The following ZNF106 variants were observed in gnomAD, a reference collection of about 807,000 sequenced individuals.
The protein encoded by ZNF106 is zinc finger protein 106.
ZNF106 carries 67 observed loss-of-function variants against 195.1 expected under a neutral mutation model. That is an observed-to-expected ratio of 0.34 (90% CI 0.28 to 0.42). The LOEUF (loss-of-function observed/expected upper bound fraction) is 0.42. ZNF106 is among the 10% of genes least tolerant of loss of function. The pLI is 1.00. For missense variants in ZNF106, 2,118 were observed against 2,304.5 expected (o/e 0.92, Z 1.66); for synonymous variants, 784 against 818.6 (o/e 0.96, Z 0.72).
At chr15:42,444,772 C>T in intron 8 of ZNF106, 55 bp downstream of exon 8, 4 of 1,598,606 alleles carry the variant, frequency 2.5e-6, no homozygotes, top group Non-Finnish European at 3.4e-6. Context: ...TTTGGCAGCA[C>T]AAAACAAGAT....
intron 10 of ZNF106, 150 bp downstream of exon 10, chr15:42,441,923 C>T (rs2141327566): frequency 2.0e-6 from 1 of 508,606 alleles, no homozygotes; most frequent in Middle Eastern, 4.8e-4. Flanking sequence ...TTAAAAGAAT[C>T]CTCCTGTATA....
At chr15:42,443,265 C>A (rs996188953) in intron 9 of ZNF106, among the ~76,000 whole-genome samples, 1 of 152,100 alleles carries the variant, frequency 6.6e-6, no homozygotes, top group African/African-American at 2.4e-5. Flanking sequence ...GATTCCTAAT[C>A]AAAACTCTTT....
intron 8 of ZNF106, 75 bp from the exon 9 acceptor site, chr15:42,444,337 T>C (rs912029909): frequency 2.5e-6 from 3 of 1,202,134 alleles, no homozygotes; most frequent in Non-Finnish European, 3.6e-6. Context: ...ATTTTTCTTC[T>C]ATGTCCTGAC....
intron 10 of ZNF106, 193 bp downstream of exon 10, chr15:42,441,880 G>T: frequency 2.3e-6 from 1 of 436,506 alleles, no homozygotes; most frequent in Non-Finnish European, 4.0e-6. Context: ...GAAAGAAAAT[G>T]ACTGATATTT....
At position 42,417,353 on chromosome 15, in the gene ZNF106, G is replaced by A; in HGVS notation, c.5672C>T (p.Ala1891Val). 4 of 1,614,024 alleles carry A rather than the reference G, an allele frequency of 2.5e-6. No homozygotes were observed. The highest frequency in any genetic ancestry group is 3.4e-6 in the Non-Finnish European group (4 of 1,179,974). The stretch of plus-strand genomic sequence containing the variant: ...TTCAGCATGTCGTTCAATATGTCCT[G>A]CAGCATCCTAGGAATGAAGGGAAAA... Reference protein sequence around the residue: ...TARKGSKQDAAGHIERHAEDD... With the variant: ...TARKGSKQDAVGHIERHAEDD... Residue 1891 changes from alanine to valine, a missense_variant, in exon 22 of 22, where the codon GCA (alanine) becomes GTA (valine). By Grantham distance (64) the Ala-to-Val change is moderately conservative. Transcript: ENST00000564754.
In ZNF106 at chr15:42,431,834, G is replaced by A. The variant is rs190452040; in HGVS notation, c.4881+3550C>T. Among the ~76,000 whole-genome samples, 1,262 of 151,742 alleles carry A rather than the reference G, an allele frequency of 8.3e-3. 17 individuals carry two copies. The highest frequency in any genetic ancestry group is 0.029 in the African/African-American group (1,209 of 41,384). ...TCGCCATGTTGGCTAGGCTGGTCTC[G>A]AACTCCTGACCTCAAGTGATCCACC... On this transcript the variant is annotated intron_variant, in intron 14 of 21. Transcript: ENST00000564754.
intron 14 of ZNF106, among the ~76,000 whole-genome samples, chr15:42,432,452 G>A (rs75946855): frequency 0.02 from 3,072 of 152,272 alleles, 109 homozygotes; most frequent in African/African-American, 0.07. Context: ...GCAGTGCCCA[G>A]TCACGTGTCT....
At chr15:42,431,582 GTTTA>G (rs1290814999) in intron 14 of ZNF106, among the ~76,000 whole-genome samples, 3 of 151,704 alleles carry the variant, frequency 2.0e-5, no homozygotes, top group Admixed American at 1.3e-4. Context: ...TTTTATTTTT[GTTTA>G]TTTATTTTTT....
chr15:42,421,857 CAAG>C lies in ZNF106; in HGVS notation c.5445+57_5445+59del. ...AAGCAGATGTCACTTTTGGAAGTGA[CAAG>C]AATTTTTTAGCAAACACATTCAAAA... On this transcript the variant is annotated intron_variant, in intron 19 of 21. Transcript: ENST00000564754. 3 of 1,421,384 alleles carry C rather than the reference CAAG, an allele frequency of 2.1e-6. No homozygotes were observed. The South Asian group carries it at 4.2e-5, about 20-fold the overall frequency. The allele number at this position is 1,421,384 out of a possible 1,614,324, so 88.0% of individuals were successfully genotyped here. A position where few individuals can be genotyped will look rare whatever the true frequency, so the allele number is the denominator to read the frequency against.
intron 17 of ZNF106, 115 bp downstream of exon 17, chr15:42,423,883 G>T: frequency 3.2e-6 from 3 of 938,308 alleles, no homozygotes; most frequent in Non-Finnish European, 4.8e-6. Context: ...GGATGATTAC[G>T]AATCCCTTCG....
At chr15:42,484,939 G>A (rs913782336) in intron 1 of ZNF106, among the ~76,000 whole-genome samples, 3 of 152,122 alleles carry the variant, frequency 2.0e-5, no homozygotes, top group South Asian at 2.1e-4. Flanking sequence ...CGGGCGGATC[G>A]GTAGAGTCCA....
In ZNF106 at chr15:42,451,673, T is replaced by C. The variant is rs764898602; in HGVS notation, c.599A>G (p.Asn200Ser). The C allele has an allele frequency of 3.1e-6, 5 of 1,614,172 alleles. No individual in the cohort carries two copies. The highest frequency in any genetic ancestry group is 3.4e-6 in the Non-Finnish European group (4 of 1,180,040). The change falls in exon 5 of 22, where the codon AAC (asparagine) becomes AGC (serine). Residue 200 changes from asparagine to serine, a missense_variant. Physicochemically the swap from Asn to Ser is conservative, Grantham distance 46 (BLOSUM62 1). Coordinates refer to ENST00000564754, the MANE Select transcript of ZNF106 (RefSeq NM_001366845.3). ...CCAACCACCTCCAGAATTACTATGG[T>C]TGTGAAACCAAGTCGAGGAGCCTCC... is the stretch of plus-strand genomic sequence containing the variant. ...VAGGSSTWFH[N>S]HSNSGGGWLS... is the part of the protein sequence containing the mutation.
At chr15:42,426,653 C>T (rs971603511) in intron 15 of ZNF106, among the ~76,000 whole-genome samples, 1 of 151,570 alleles carries the variant, frequency 6.6e-6, no homozygotes, top group African/African-American at 2.4e-5. Flanking sequence ...ATCCTCCTAC[C>T]TCAGTCTCCC....
In ZNF106 at chr15:42,459,347, G is replaced by A. The variant is rs575904965; in HGVS notation, c.117-2189C>T. Among the ~76,000 whole-genome samples, 3 of 152,052 alleles carry A rather than the reference G, an allele frequency of 2.0e-5. No individual in the cohort carries two copies. The South Asian group carries it at 6.2e-4, about 32-fold the overall frequency. The stretch of plus-strand genomic sequence containing the variant: ...AAAAATTAGACGGGCATGGTGGCGG[G>A]CACCTGTAATCCCAGCTACTCAAGA... On this transcript the variant is annotated intron_variant, in intron 3 of 21. Transcript: ENST00000564754.
chr15:42,486,974 C>A (rs1207630515), intron 1 of ZNF106, among the ~76,000 whole-genome samples: 1 of 151,600 alleles, frequency 6.6e-6, no homozygotes, highest in African/African-American at 2.4e-5. Context: ...CATAGTGAAA[C>A]CCCATCTCTA....
chr15:42,424,341 A>T (rs1442163608), intron 16 of ZNF106: 1 of 373,496 alleles, frequency 2.7e-6, no homozygotes, highest in African/African-American at 2.1e-5. Flanking sequence ...ATAACAAAAT[A>T]CACTCATTGT....
chr15:42,430,170 G>A (rs768039391), intron 14 of ZNF106, among the ~76,000 whole-genome samples: 4 of 152,062 alleles, frequency 2.6e-5, no homozygotes, highest in Middle Eastern at 3.4e-3. Flanking sequence ...ACTAGTGTAC[G>A]GTCCTGCTAT....
In ZNF106 at chr15:42,417,003, G is replaced by A; in HGVS notation, c.*301C>T. 3.9e-6 allele frequency: 1 copy of A among 259,402 alleles called. No individual in the cohort carries two copies. Among genetic ancestry groups the A allele is most frequent in the Non-Finnish European group, 7.3e-6 (1 of 137,576 alleles). The allele number at this position is 259,402 out of a possible 1,614,324, so 16.1% of individuals were successfully genotyped here. ...AGGGTCAAACTGGGTAACCAATTAGGATCTGTATCTTCAATAAACATCTGG... is the reference window on the plus strand; with the variant it reads ...AGGGTCAAACTGGGTAACCAATTAGAATCTGTATCTTCAATAAACATCTGG... On this transcript the variant is annotated 3_prime_UTR_variant, in exon 22 of 22. Transcript: ENST00000564754.
intron 20 of ZNF106, among the ~76,000 whole-genome samples, chr15:42,420,095 G>A (rs150918202): frequency 8.6e-4 from 131 of 152,218 alleles, no homozygotes; most frequent in African/African-American, 3.0e-3. Flanking sequence ...GGATCCTGTC[G>A]TTCAGTAGTG....
Sources: gnomAD v4.1 joint callset for allele counts (sites outside exome capture counted in the v4.1 genomes callset) on GRCh38, gnomAD v4.1.1 for gene constraint, MANE v1.5 for transcripts, NCBI Gene and HGNC (gene_info 2026-07-23, HGNC 2026-07-21) for gene names.